Variants in KCNN2 observed in about 807,000 individuals in gnomAD.
KCNN2 encodes potassium calcium-activated channel subfamily N member 2.
In KCNN2, 24 loss-of-function variants were observed where a neutral mutation model predicts 55.5. The observed-to-expected ratio is 0.43, with a 90% confidence interval of 0.31 to 0.61. The LOEUF is 0.61. KCNN2 is among the 20% of genes least tolerant of loss of function. KCNN2 has a pLI of 0.08. For synonymous variants in KCNN2, 431 were observed against 336.1 expected (o/e 1.28, Z -3.09); for missense variants, 754 against 853.6 (o/e 0.88, Z 1.45).
chr5:114,299,843 C>T (rs1209144120), intron 2 of KCNN2, among the ~76,000 whole-genome samples: 1 of 152,112 alleles, frequency 6.6e-6, no homozygotes, highest in Admixed American at 6.6e-5. Context: ...GAAGATATCT[C>T]CAGGTCTATC....
At chr5:114,484,795 G>C (rs991618881) in intron 5 of KCNN2, among the ~76,000 whole-genome samples, 1 of 152,190 alleles carries the variant, frequency 6.6e-6, no homozygotes, top group Non-Finnish European at 1.5e-5. Context: ...GAATTAGAAA[G>C]GGGATGGGAT....
At chr5:114,360,590 T>G (rs1322376809), upstream of KCNN2, among the ~76,000 whole-genome samples, 1 of 152,206 alleles carries the variant, frequency 6.6e-6, no homozygotes, top group Non-Finnish European at 1.5e-5. Flanking sequence ...TGTAAAGACT[T>G]AAGATGGAGC....
At chr5:114,214,891 G>A (rs1032849337) in intron 1 of KCNN2, among the ~76,000 whole-genome samples, 4 of 152,106 alleles carry the variant, frequency 2.6e-5, no homozygotes, top group African/African-American at 9.7e-5. Flanking sequence ...AGCCATCAAT[G>A]AATAACTTTT....
In KCNN2 at chr5:114,223,253, C is replaced by T. The variant is rs80344840; in HGVS notation, c.-185+1688C>T. On this transcript the variant is annotated intron_variant, in intron 2 of 10. Coordinates refer to the KCNN2 transcript ENST00000512097. ...AAGTAACCCATAATTAATTAGTCTA[C>T]TGGAATGAAATGATTTCCAAAGACA... is the stretch of plus-strand genomic sequence containing the variant. Among the ~76,000 whole-genome samples, 149 of 152,254 alleles carry T rather than the reference C, an allele frequency of 9.8e-4. 1 individual carries two copies. Among genetic ancestry groups the T allele is most frequent in the African/African-American group, 3.6e-3 (148 of 41,554 alleles).
At chr5:114,312,321 C>G (rs1302489544) in intron 2 of KCNN2, among the ~76,000 whole-genome samples, 2 of 149,090 alleles carry the variant, frequency 1.3e-5, no homozygotes, top group Non-Finnish European at 3.0e-5. Context: ...TAACTCAAAT[C>G]ACTTGATTTG....
chr5:114,146,736 T>C (rs1386526805), intron 1 of KCNN2, among the ~76,000 whole-genome samples: 1 of 152,168 alleles, frequency 6.6e-6, no homozygotes, highest in East Asian at 1.9e-4. Flanking sequence ...ACTCAGAGAA[T>C]ATTTATGTTT....
At position 114,292,286 on chromosome 5, in the gene KCNN2, C is replaced by T. The variant is rs1388786292; in HGVS notation, c.-184-68659C>T. ...TTGTCCATGCCTATGGCCTGAATGGCATTGCCTAGGTTTTCTTCTAGGGTT... is the reference window on the plus strand; with the variant it reads ...TTGTCCATGCCTATGGCCTGAATGGTATTGCCTAGGTTTTCTTCTAGGGTT... On this transcript the variant is annotated intron_variant, in intron 2 of 10. Coordinates refer to the KCNN2 transcript ENST00000512097. Among the ~76,000 whole-genome samples, 17 of 151,944 alleles carry T rather than the reference C, an allele frequency of 1.1e-4. 1 individual carries two copies. The South Asian group carries it at 3.1e-3, about 28-fold the overall frequency.
intron 1 of KCNN2, among the ~76,000 whole-genome samples, chr5:114,199,567 C>T (rs750446571): frequency 2.0e-5 from 3 of 151,056 alleles, no homozygotes; most frequent in Non-Finnish European, 1.5e-5. Context: ...TGATTTCTTT[C>T]TCATCCTCGT....
At chr5:114,297,232 C>T (rs1435900218) in intron 2 of KCNN2, among the ~76,000 whole-genome samples, 1 of 152,004 alleles carries the variant, frequency 6.6e-6, no homozygotes, top group African/African-American at 2.4e-5. Context: ...GTGGGAGGAT[C>T]ACTTAAGTCC....
At chr5:114,078,607 T>C (rs1750732876) in intron 1 of KCNN2, among the ~76,000 whole-genome samples, 1 of 152,134 alleles carries the variant, frequency 6.6e-6, no homozygotes, top group Non-Finnish European at 1.5e-5. Context: ...TGGGATTTCA[T>C]AGAAGAGAAA....
At chr5:114,377,544 A>C (rs1190372055) in intron 2 of KCNN2, among the ~76,000 whole-genome samples, 16 of 152,218 alleles carry the variant, frequency 1.1e-4, no homozygotes, top group Admixed American at 1.0e-3. Flanking sequence ...GTCACTGTCC[A>C]GCAGGGTGTG....
intron 3 of KCNN2, among the ~76,000 whole-genome samples, chr5:114,416,703 ACT>A (rs957591989): frequency 3.9e-5 from 6 of 152,172 alleles, no homozygotes; most frequent in African/African-American, 7.2e-5. Flanking sequence ...TATAAAATAT[ACT>A]GTTTCAGTTT....
At chr5:114,215,140 G>GGAC (rs1198501371) in intron 1 of KCNN2, among the ~76,000 whole-genome samples, 1 of 152,080 alleles carries the variant, frequency 6.6e-6, no homozygotes, top group Non-Finnish European at 1.5e-5. Flanking sequence ...TTTGTCAAAA[G>GGAC]GACTTGGTTC....
chr5:114,228,197 A>C (rs1754281885), intron 2 of KCNN2, among the ~76,000 whole-genome samples: 1 of 152,126 alleles, frequency 6.6e-6, no homozygotes, highest in South Asian at 2.1e-4. Flanking sequence ...ATTAGAATCA[A>C]ATTCTCTTTC....
At chr5:114,455,790 T>C (rs1202810143) in intron 3 of KCNN2, among the ~76,000 whole-genome samples, 1 of 152,106 alleles carries the variant, frequency 6.6e-6, no homozygotes, top group Non-Finnish European at 1.5e-5. Context: ...AAAGTTTGAG[T>C]AGTCTGGATA....
At chr5:114,226,734 T>C (rs533126907) in intron 2 of KCNN2, among the ~76,000 whole-genome samples, 5 of 151,958 alleles carry the variant, frequency 3.3e-5, no homozygotes, top group Non-Finnish European at 4.4e-5. Flanking sequence ...ATCCCATCTC[T>C]ACTAAAAATA....
chr5:114,429,437 A>G (rs1759725898), intron 3 of KCNN2, among the ~76,000 whole-genome samples: 1 of 152,036 alleles, frequency 6.6e-6, no homozygotes, highest in Non-Finnish European at 1.5e-5. Flanking sequence ...CTCATTTGCC[A>G]TCTGTATATC....
rs894335807 is a variant in KCNN2, at chr5:114,101,053, A to G, written c.-271+44553A>G. On this transcript the variant is annotated intron_variant, in intron 1 of 10. Coordinates refer to the KCNN2 transcript ENST00000512097. ...CTTTAATAACTTTATATTTTTCACT[A>G]TTATTATAACTTTTATTTCTTATGG... Among the ~76,000 whole-genome samples, 9 of 152,128 alleles carry G rather than the reference A, an allele frequency of 5.9e-5. No homozygotes were observed. In the East Asian group the frequency reaches 1.7e-3, roughly 29 times the overall value.
At chr5:114,372,546 A>G (rs992403086) in intron 2 of KCNN2, among the ~76,000 whole-genome samples, 41 of 152,288 alleles carry the variant, frequency 2.7e-4, no homozygotes, top group African/African-American at 9.6e-4. Context: ...TATATAATAT[A>G]AGCTTTATGA....
Sources: allele counts gnomAD v4.1 joint callset (sites outside exome capture counted in the v4.1 genomes callset), GRCh38; gene constraint gnomAD v4.1.1; transcripts MANE v1.5; gene names NCBI Gene and HGNC (gene_info 2026-07-23, HGNC 2026-07-21).